The following XYLT1 variants were observed in gnomAD, a reference collection of about 807,000 sequenced individuals.
XYLT1 encodes the protein beta-D-xylosyltransferase 1.
In XYLT1, 36 loss-of-function variants were observed where a neutral mutation model predicts 91.3. The ratio of observed to expected loss-of-function variants is 0.39; its 90% confidence interval spans 0.30 to 0.52. The LOEUF is 0.52. Ranked by LOEUF, XYLT1 falls within the 20% of genes least tolerant of loss-of-function variation. XYLT1 has a pLI of 0.68. For synonymous variants in XYLT1, 588 were observed against 532.0 expected (o/e 1.11, Z -1.45); for missense variants, 1,242 against 1,284.5 (o/e 0.97, Z 0.51).
chr16:17,339,050 T>C (rs2141845384), intron 2 of XYLT1, among the ~76,000 whole-genome samples: 1 of 152,360 alleles, frequency 6.6e-6, no homozygotes, highest in African/African-American at 2.4e-5. Context: ...GAGAGATAGA[T>C]GGTGACACAA....
At chr16:17,296,656 G>A (rs2034315938) in intron 2 of XYLT1, among the ~76,000 whole-genome samples, 1 of 152,210 alleles carries the variant, frequency 6.6e-6, no homozygotes, top group Non-Finnish European at 1.5e-5. Flanking sequence ...GCCAACTGGG[G>A]ACAAATCCGA....
At chr16:17,297,969 C>T (rs2034337781) in intron 2 of XYLT1, among the ~76,000 whole-genome samples, 1 of 151,240 alleles carries the variant, frequency 6.6e-6, no homozygotes, top group African/African-American at 2.4e-5. Context: ...TGCAGTGAGC[C>T]GAGATCGCGC....
intron 1 of XYLT1, among the ~76,000 whole-genome samples, chr16:17,415,348 T>G (rs898752928): frequency 6.6e-6 from 1 of 152,170 alleles, no homozygotes; most frequent in Non-Finnish European, 1.5e-5. Context: ...TCCGAGTCTT[T>G]ATGAATCCTA....
chr16:17,173,276 G>A (rs985853840), intron 5 of XYLT1, among the ~76,000 whole-genome samples: 3 of 152,138 alleles, frequency 2.0e-5, no homozygotes, highest in Admixed American at 1.3e-4. Flanking sequence ...CTACCTCCAC[G>A]TACTCATTCA....
chr16:17,447,554 A>G (rs2036608402), intron 1 of XYLT1, among the ~76,000 whole-genome samples: 1 of 152,220 alleles, frequency 6.6e-6, no homozygotes, highest in Non-Finnish European at 1.5e-5. Flanking sequence ...AGACATTTGG[A>G]ACTTGGCAGG....
chr16:17,119,973 G>C (rs151107172), intron 10 of XYLT1, among the ~76,000 whole-genome samples: 1 of 152,140 alleles, frequency 6.6e-6, no homozygotes, highest in Non-Finnish European at 1.5e-5. Flanking sequence ...TTTTCATCAG[G>C]CCAGAGACTA....
At position 17,138,468 on chromosome 16, in the gene XYLT1, G is replaced by A. The variant is rs776422861; in HGVS notation, c.1651C>T (p.Arg551Cys). ...HCDTMVDNNL[R>C]ITNWNRKLGC... is the part of the protein sequence containing the mutation. Reference sequence around the variant, plus strand: ...AGCTTGCGATTCCAGTTGGTGATGCGCAGGTTGTTGTCCACCATGGTGTCG... The same window carrying A: ...AGCTTGCGATTCCAGTTGGTGATGCACAGGTTGTTGTCCACCATGGTGTCG... The change falls in exon 8 of 12, where the codon CGC becomes TGC. Residue 551 changes from arginine (R) to cysteine (C), a missense_variant. Physicochemically the swap from Arg to Cys is radical, Grantham distance 180. Coordinates refer to ENST00000261381, the MANE Select transcript of XYLT1 (RefSeq NM_022166.4). 11 of 1,614,190 alleles carry A rather than the reference G, an allele frequency of 6.8e-6. No homozygotes were observed. Among genetic ancestry groups the A allele is most frequent in the East Asian group, 2.2e-5 (1 of 44,874 alleles).
chr16:17,357,625 C>G (rs2035320255), intron 2 of XYLT1, among the ~76,000 whole-genome samples: 1 of 152,220 alleles, frequency 6.6e-6, no homozygotes, highest in Non-Finnish European at 1.5e-5. Context: ...GAATAAAAGT[C>G]CTCCAAGTTC....
At chr16:17,234,343 C>T (rs1036506981) in intron 3 of XYLT1, among the ~76,000 whole-genome samples, 1 of 152,154 alleles carries the variant, frequency 6.6e-6, no homozygotes, top group Non-Finnish European at 1.5e-5. Context: ...AATCTCTGGG[C>T]CTACCTTTAT....
rs773329278 is a variant in XYLT1, at chr16:17,259,045, G to A, written c.856C>T (p.Arg286Cys). Residue 286 changes from arginine (R) to cysteine (C), a missense_variant, in exon 3 of 12, where the codon CGC becomes TGC. Around this residue, in one of 3 missense-constraint regions of XYLT1, gnomAD observed 437 missense variants for 411.5 expected, o/e 1.06. Coordinates refer to ENST00000261381, the MANE Select transcript of XYLT1 (RefSeq NM_022166.4). ...GGCATCAGCAGCCCTAACTTGTGGC[G>A]GCAGTAAGTCTCCCCAATCTCCTGG... is the stretch of plus-strand genomic sequence containing the variant. ...CRQEIGETYC[R>C]HKLGLLMPEK... 7 of 1,515,590 alleles carry A rather than the reference G, an allele frequency of 4.6e-6. No homozygotes were observed. The highest frequency in any genetic ancestry group is 1.4e-5 in the African/African-American group (1 of 71,572). 93.9% of individuals were successfully genotyped at this position (1,515,590 alleles called of 1,614,324 possible). A position where few individuals can be genotyped will look rare whatever the true frequency, so the allele number is the denominator to read the frequency against.
At chr16:17,282,967 C>CCA (rs1555494009) in intron 2 of XYLT1, among the ~76,000 whole-genome samples, 3 of 151,992 alleles carry the variant, frequency 2.0e-5, no homozygotes, top group Non-Finnish European at 2.9e-5. Context: ...GTCACCCCCC[C>CCA]CAAGTCACAC....
chr16:17,459,098 G>A lies in XYLT1; in HGVS notation c.363+11336C>T, dbSNP rs80312089. On this transcript the variant is annotated intron_variant, in intron 1 of 11. Coordinates refer to ENST00000261381, the MANE Select transcript of XYLT1 (RefSeq NM_022166.4). Reference sequence around the variant, plus strand: ...GCAATATTTAAGAAGTGAGCCAGACGTGGTGGCTCACGCCTGTAATCCCAG... The same window carrying A: ...GCAATATTTAAGAAGTGAGCCAGACATGGTGGCTCACGCCTGTAATCCCAG... Among the ~76,000 whole-genome samples, 57 of 152,280 alleles carry A rather than the reference G, an allele frequency of 3.7e-4. No homozygotes were observed. The East Asian group carries it at 9.5e-3, about 25-fold the overall frequency.
chr16:17,342,285 A>G (rs1221431973), intron 2 of XYLT1, among the ~76,000 whole-genome samples: 3 of 152,158 alleles, frequency 2.0e-5, no homozygotes, highest in Non-Finnish European at 4.4e-5. Context: ...CATGCTTTTG[A>G]GATCTTTGCT....
At chr16:17,361,744 G>A (rs2035385186) in intron 1 of XYLT1, among the ~76,000 whole-genome samples, 1 of 152,138 alleles carries the variant, frequency 6.6e-6, no homozygotes, top group African/African-American at 2.4e-5. Context: ...AACATGACAG[G>A]AAATGATTAC....
chr16:17,116,173 T>C (rs1461221593), intron 11 of XYLT1, among the ~76,000 whole-genome samples: 1 of 152,136 alleles, frequency 6.6e-6, no homozygotes, highest in African/African-American at 2.4e-5. Context: ...GGAGAAAGAC[T>C]TTCCCCTTAA....
At chr16:17,447,183 C>T (rs1381144284) in intron 1 of XYLT1, among the ~76,000 whole-genome samples, 1 of 152,176 alleles carries the variant, frequency 6.6e-6, no homozygotes, top group Non-Finnish European at 1.5e-5. Context: ...AAGCGGCCTG[C>T]TATTTATTTC....
At position 17,470,738 on chromosome 16, in the gene XYLT1, G is replaced by A. The variant is rs568899945; in HGVS notation, c.59C>T (p.Ala20Val). ...LARRSHSALL[A>V]ALTVLLLQTL... Reference sequence around the variant, plus strand: ...CTGCAGCAGCAGCACCGTGAGCGCCGCGAGCAGCGCCGAGTGCGAGCGCCG... The same window carrying A: ...CTGCAGCAGCAGCACCGTGAGCGCCACGAGCAGCGCCGAGTGCGAGCGCCG... The change falls in exon 1 of 12, where the codon GCG becomes GTG. Residue 20 changes from alanine (A) to valine (V), a missense_variant. By Grantham distance (64) the Ala-to-Val change is moderately conservative (BLOSUM62 0). Around this residue, in one of 3 missense-constraint regions of XYLT1, gnomAD observed 437 missense variants for 411.5 expected, o/e 1.06. Transcript: ENST00000261381. The A allele has an allele frequency of 4.2e-4, 473 of 1,127,468 alleles. No homozygotes were observed. In the African/African-American group the frequency reaches 6.3e-3, roughly 15 times the overall value. The allele number at this position is 1,127,468 out of a possible 1,614,324, so 69.8% of individuals were successfully genotyped here.
At chr16:17,257,800 G>C (rs1284315481) in intron 3 of XYLT1, among the ~76,000 whole-genome samples, 1 of 152,198 alleles carries the variant, frequency 6.6e-6, no homozygotes, top group Non-Finnish European at 1.5e-5. Context: ...ATCAGCCTCA[G>C]AGAGTGTTGG....
intron 1 of XYLT1, among the ~76,000 whole-genome samples, chr16:17,450,061 G>A (rs913207101): frequency 2.9e-4 from 44 of 152,100 alleles, no homozygotes; most frequent in African/African-American, 8.9e-4. Context: ...GAGAAGGACC[G>A]GGAGTGGTGG....
Sources: allele counts gnomAD v4.1 joint callset (sites outside exome capture counted in the v4.1 genomes callset), GRCh38; gene constraint gnomAD v4.1.1; regional missense constraint gnomAD v4.1.1; transcripts MANE v1.5; gene names NCBI Gene and HGNC (gene_info 2026-07-23, HGNC 2026-07-21).